The following BBS2 variants were observed in gnomAD, a reference collection of about 807,000 sequenced individuals.
BBS2 encodes BBSome complex member BBS2.
BBS2 carries 62 observed loss-of-function variants against 83.0 expected under a neutral mutation model. The observed-to-expected ratio is 0.75, with a 90% CI of 0.61 to 0.92. The LOEUF is 0.92. Among genes scored for constraint, BBS2 ranks in the 40% least tolerant of loss-of-function variants. BBS2 has a pLI of 0.00. For missense variants in BBS2, 784 were observed against 901.0 expected, an observed-to-expected ratio of 0.87 and a Z score of 1.66; for synonymous variants, 303 against 326.1, an observed-to-expected ratio of 0.93 and a Z score of 0.76.
chr16:56,517,765 T>C (rs1964792598), intron 1 of BBS2, among the ~76,000 whole-genome samples: 1 of 151,800 alleles, frequency 6.6e-6, no homozygotes, highest in African/African-American at 2.4e-5. Flanking sequence ...CATTTATAAA[T>C]CTGCTATGCA....
chr16:56,473,861 C>G (rs1475852275), intron 17 of BBS2, among the ~76,000 whole-genome samples: 1 of 151,510 alleles, frequency 6.6e-6, no homozygotes, highest in African/African-American at 2.4e-5. Flanking sequence ...GGCTGGAGTA[C>G]AGTGGTGTGA....
At chr16:56,500,068 T>TA (rs1964221427) in intron 11 of BBS2, 161 bp from the exon 12 acceptor site, 2 of 746,076 alleles carry the variant, frequency 2.7e-6, no homozygotes, top group African/African-American at 3.5e-5. Context: ...AGTACTACAG[T>TA]AATATATTAG....
At chr16:56,500,340 T>A (rs1964231697) in intron 11 of BBS2, 1 of 261,278 alleles carries the variant, frequency 3.8e-6, no homozygotes, top group African/African-American at 2.3e-5. Flanking sequence ...AAAATAATGA[T>A]CTTAGCCAGG....
In BBS2 at chr16:56,520,017, T is replaced by TA; in HGVS notation, c.-156dup. ...ACAGCCCGGGACGAACCCGTCCAGG[T>TA]ACCGCCTGCTCCTCCTGCGGCGGCG... is the stretch of plus-strand genomic sequence containing the variant. On this transcript the variant is annotated 5_prime_UTR_variant, in exon 1 of 17. Coordinates refer to ENST00000245157, the MANE Select transcript of BBS2 (RefSeq NM_031885.5). The TA allele has an allele frequency of 1.5e-6, 1 of 679,716 alleles. No homozygotes were observed. The highest frequency in any genetic ancestry group is 2.7e-6 in the Non-Finnish European group (1 of 375,442). 42.1% of individuals were successfully genotyped at this position (679,716 alleles called of 1,614,324 possible).
At chr16:56,500,646 ACC>A in intron 11 of BBS2, 5 of 546,600 alleles carry the variant, frequency 9.1e-6, no homozygotes, top group African/African-American at 3.8e-5. Flanking sequence ...AAAAAAAAGA[ACC>A]ATCTTAAACT....
chr16:56,501,678 G>T, intron 9 of BBS2, 181 bp from the exon 10 acceptor site: 1 of 801,104 alleles, frequency 1.2e-6, no homozygotes, highest in Non-Finnish European at 2.0e-6. Flanking sequence ...GCTCTATCTG[G>T]CCCTGTGGGA....
Position 56,484,837 on chromosome 16 carries a change from G to T in BBS2, c.2090C>A (p.Ala697Asp). 2 of 1,614,044 alleles carry T rather than the reference G, an allele frequency of 1.2e-6. No individual in the cohort carries two copies. The highest frequency in any genetic ancestry group is 1.7e-6 in the Non-Finnish European group (2 of 1,179,934). ...VGKPKNQVIT[A>D]CRDAIRSNNI... ...ATTGCTTCGAATTGCATCCCGACAAGCAGTGATCACCTGGTTCTTTGGTTT... is the reference window on the plus strand; with the variant it reads ...ATTGCTTCGAATTGCATCCCGACAATCAGTGATCACCTGGTTCTTTGGTTT... Residue 697 changes from alanine (A) to aspartate (D), a missense_variant, in exon 17 of 17, where the codon GCT (alanine) becomes GAT (aspartate). Physicochemically the swap from Ala to Asp is moderately radical, Grantham distance 126. Coordinates refer to ENST00000245157, the MANE Select transcript of BBS2 (RefSeq NM_031885.5).
chr16:56,480,762 A>G (rs1483104989), downstream of BBS2, among the ~76,000 whole-genome samples: 1 of 152,186 alleles, frequency 6.6e-6, no homozygotes, highest in Non-Finnish European at 1.5e-5. Context: ...CCTGTTGAAA[A>G]GGGTCGAGGA....
chr16:56,510,831 CAAGAG>C (rs1555523485), intron 4 of BBS2, 23 bp downstream of exon 4: 4 of 1,610,948 alleles, frequency 2.5e-6, no homozygotes, highest in Non-Finnish European at 3.4e-6. Flanking sequence ...GCTGAACACA[CAAGAG>C]AGATATCTCC....
intron 16 of BBS2, 82 bp downstream of exon 16, chr16:56,485,508 T>C (rs1215102879): frequency 1.3e-6 from 2 of 1,541,016 alleles, no homozygotes; most frequent in Admixed American, 1.7e-5. Context: ...CCAATATGAA[T>C]TATTGGATGC....
intron 1 of BBS2, among the ~76,000 whole-genome samples, chr16:56,515,799 T>C (rs1964725327): frequency 6.6e-6 from 1 of 152,256 alleles, no homozygotes; most frequent in Non-Finnish European, 1.5e-5. Flanking sequence ...TGGTCAATGT[T>C]AATTGCATTT....
chr16:56,499,658 T>C (rs1964204515), intron 12 of BBS2, 120 bp downstream of exon 12: 1 of 1,409,258 alleles, frequency 7.1e-7, no homozygotes, highest in Non-Finnish European at 9.9e-7. Context: ...TAGAGAATTC[T>C]TTCATATCAT....
chr16:56,499,559 A>G, intron 12 of BBS2: 1 of 525,578 alleles, frequency 1.9e-6, no homozygotes, highest in African/African-American at 1.9e-5. Context: ...AGAATTCACC[A>G]ATAACTGAGG....
In BBS2 at chr16:56,519,737, A is replaced by G. The variant is rs1441696767; in HGVS notation, c.117+9T>C. 1 of 1,608,208 alleles carries G rather than the reference A, an allele frequency of 6.2e-7. No homozygotes were observed. Among genetic ancestry groups the G allele is most frequent in the Non-Finnish European group, 8.5e-7 (1 of 1,175,862 alleles). ...GGGGCCCGGGCTCCCTGCGGGTGGG[A>G]GCGGTTACCTTGCCCGTTTGGGTGG... On this transcript the variant is annotated intron_variant, in intron 1 of 16. Transcript: ENST00000245157.
chr16:56,507,840 T>C (rs537465052), intron 5 of BBS2, among the ~76,000 whole-genome samples: 1 of 152,136 alleles, frequency 6.6e-6, no homozygotes, highest in East Asian at 1.9e-4. Context: ...CGGTGGCAGG[T>C]GCCTGTAATC....
At chr16:56,484,978 AAT>A in intron 16 of BBS2, 111 bp from the exon 17 acceptor site, 1 of 818,462 alleles carries the variant, frequency 1.2e-6, no homozygotes, top group South Asian at 1.4e-5. Flanking sequence ...TTATACTTGA[AAT>A]ATGATTTATC....
intron 5 of BBS2, among the ~76,000 whole-genome samples, chr16:56,506,553 T>C (rs1964427591): frequency 6.6e-6 from 1 of 152,188 alleles, no homozygotes; most frequent in Non-Finnish European, 1.5e-5. Context: ...ATCGAAAATA[T>C]GCATATACAA....
intron 1 of BBS2, among the ~76,000 whole-genome samples, chr16:56,517,976 C>A (rs1964799354): frequency 6.6e-6 from 1 of 152,108 alleles, no homozygotes; most frequent in Admixed American, 6.5e-5. Context: ...CCTACCACAC[C>A]TGGCTAATTT....
intron 15 of BBS2, among the ~76,000 whole-genome samples, chr16:56,490,143 CACACACAA>C (rs1963905862): frequency 6.6e-6 from 1 of 151,468 alleles, no homozygotes; most frequent in Non-Finnish European, 1.5e-5. Flanking sequence ...CACACACACA[CACACACAA>C]AAATAATAAT....
Sources: allele counts gnomAD v4.1 joint callset (sites outside exome capture counted in the v4.1 genomes callset), GRCh38; gene constraint gnomAD v4.1.1; transcripts MANE v1.5; gene names NCBI Gene and HGNC (gene_info 2026-07-23, HGNC 2026-07-21).